The following SLC12A1 variants were observed in gnomAD, a reference collection of about 807,000 sequenced individuals.
The protein encoded by SLC12A1 is Na-K-2Cl cotransporter.
A neutral mutation model predicts 130.4 loss-of-function variants in SLC12A1; 89 were observed. The ratio of observed to expected loss-of-function variants is 0.68; its 90% confidence interval spans 0.58 to 0.81. The LOEUF (loss-of-function observed/expected upper bound fraction) is 0.81. Among genes scored for constraint, SLC12A1 ranks in the 40% least tolerant of loss-of-function variants. The probability of loss-of-function intolerance (pLI) is 0.00; values close to 1 mark genes in which losing one functional copy is unlikely to be tolerated. For synonymous variants in SLC12A1, 499 were observed against 460.0 expected, an observed-to-expected ratio of 1.08 and a Z score of -1.09; for missense variants, 1,310 against 1,336.4, an observed-to-expected ratio of 0.98 and a Z score of 0.31.
At chr15:48,215,319 A>T (rs979614663) in intron 2 of SLC12A1, among the ~76,000 whole-genome samples, 1 of 152,212 alleles carries the variant, frequency 6.6e-6, no homozygotes, top group Non-Finnish European at 1.5e-5. Context: ...ATCTGTTATC[A>T]AGTGGTCTTC....
rs367544096 is a variant in SLC12A1, at chr15:48,235,236, G to A, written c.1215+232G>A. On this transcript the variant is annotated intron_variant, in intron 9 of 26. Transcript: ENST00000380993. ...AGTGATATCAGAAGAACAGGGTAGT[G>A]TGATAGTGTGTCATATTTCCCCAAA... 6.9e-4 allele frequency: 370 copies of A among 534,532 alleles called. 2 individuals are homozygous for A. The highest frequency in any genetic ancestry group is 5.1e-3 in the Middle Eastern group (10 of 1,978). 33.1% of individuals were successfully genotyped at this position (534,532 alleles called of 1,614,324 possible). A position where few individuals can be genotyped will look rare whatever the true frequency, so the allele number is the denominator to read the frequency against.
At chr15:48,273,379 C>G (rs1414124738) in intron 19 of SLC12A1, among the ~76,000 whole-genome samples, 1 of 152,198 alleles carries the variant, frequency 6.6e-6, no homozygotes, top group Non-Finnish European at 1.5e-5. Flanking sequence ...CTTGTGATTA[C>G]TCTTGTCCCA....
intron 10 of SLC12A1, among the ~76,000 whole-genome samples, chr15:48,241,941 G>A (rs745601496): frequency 3.9e-5 from 6 of 152,154 alleles, no homozygotes; most frequent in Non-Finnish European, 8.8e-5. Context: ...GGAGGCAGGA[G>A]AGAAACAGAG....
intron 20 of SLC12A1, among the ~76,000 whole-genome samples, chr15:48,277,959 A>G (rs1384284169): frequency 1.3e-5 from 2 of 152,234 alleles, no homozygotes; most frequent in African/African-American, 2.4e-5. Flanking sequence ...AGTGCATCCT[A>G]TGCAAAATTG....
chr15:48,229,038 A>T, intron 5 of SLC12A1, 151 bp from the exon 6 acceptor site: 1 of 767,518 alleles, frequency 1.3e-6, no homozygotes, highest in African/African-American at 1.8e-5. Context: ...TAAGTTATTC[A>T]CTGGGTAACA....
At chr15:48,252,605 G>A (rs1353812868) in intron 15 of SLC12A1, among the ~76,000 whole-genome samples, 2 of 152,090 alleles carry the variant, frequency 1.3e-5, no homozygotes, top group Non-Finnish European at 2.9e-5. Context: ...AATTATCCAG[G>A]AAAACTTTTT....
chr15:48,274,948 A>G (rs2041935544), intron 20 of SLC12A1, among the ~76,000 whole-genome samples: 1 of 152,238 alleles, frequency 6.6e-6, no homozygotes. Context: ...TCGGTAAAAT[A>G]ACCTGCCAAA....
At chr15:48,230,564 G>C in intron 7 of SLC12A1, 61 bp downstream of exon 7, 1 of 999,390 alleles carries the variant, frequency 1.0e-6, no homozygotes, top group Non-Finnish European at 1.6e-6. Flanking sequence ...CAAATTGCAG[G>C]AGTAGAGGGA....
chr15:48,234,734 C>T (rs548583520), intron 8 of SLC12A1, 143 bp from the exon 9 acceptor site: 2 of 692,072 alleles, frequency 2.9e-6, no homozygotes, highest in Non-Finnish European at 4.7e-6. Context: ...GCCTGGGCAA[C>T]AGAGTGAGAC....
At chr15:48,245,826 T>G (rs138496514) in intron 11 of SLC12A1, among the ~76,000 whole-genome samples, 4 of 152,310 alleles carry the variant, frequency 2.6e-5, no homozygotes, top group African/African-American at 9.6e-5. Flanking sequence ...CTGTTTTAAG[T>G]TCGTTGAGAA....
At chr15:48,235,954 T>TGG (rs2041434868) in intron 9 of SLC12A1, among the ~76,000 whole-genome samples, 1 of 152,164 alleles carries the variant, frequency 6.6e-6, no homozygotes, top group Non-Finnish European at 1.5e-5. Flanking sequence ...TTTAGCCTTG[T>TGG]GGCCTTACCT....
chr15:48,285,000 T>A, intron 20 of SLC12A1, 106 bp from the exon 21 acceptor site: 1 of 768,570 alleles, frequency 1.3e-6, no homozygotes, highest in Non-Finnish European at 1.9e-6. Context: ...GTATAAACAA[T>A]TATTTTATCA....
intron 24 of SLC12A1, among the ~76,000 whole-genome samples, chr15:48,294,024 G>C (rs1288213450): frequency 6.7e-6 from 1 of 150,166 alleles, no homozygotes; most frequent in East Asian, 2.0e-4. Context: ...GGGTGACAGA[G>C]TGAGACCCTA....
intron 24 of SLC12A1, among the ~76,000 whole-genome samples, chr15:48,292,567 G>A (rs1284213344): frequency 6.6e-6 from 1 of 152,190 alleles, no homozygotes; most frequent in African/African-American, 2.4e-5. Context: ...GATGGACTGG[G>A]TGGATTAAAC....
At chr15:48,215,030 G>A (rs1003947424) in intron 2 of SLC12A1, among the ~76,000 whole-genome samples, 6 of 151,528 alleles carry the variant, frequency 4.0e-5, no homozygotes, top group Non-Finnish European at 7.4e-5. Context: ...ATATTATCTA[G>A]TTGGAACTTA....
At chr15:48,280,728 G>A (rs897495886) in intron 20 of SLC12A1, among the ~76,000 whole-genome samples, 6 of 151,890 alleles carry the variant, frequency 4.0e-5, no homozygotes, top group African/African-American at 1.5e-4. Context: ...CCATTTCCCA[G>A]GCTCTTATCT....
At chr15:48,245,008 A>T (rs977298649) in intron 11 of SLC12A1, 104 bp downstream of exon 11, 13 of 1,055,156 alleles carry the variant, frequency 1.2e-5, no homozygotes, top group Middle Eastern at 2.2e-4. Context: ...ATTGGCTGAT[A>T]AGAATCCAGC....
chr15:48,301,620 G>A (rs2042234813), intron 26 of SLC12A1, among the ~76,000 whole-genome samples: 1 of 151,876 alleles, frequency 6.6e-6, no homozygotes, highest in Non-Finnish European at 1.5e-5. Context: ...TGTCCACCAT[G>A]CCTTATGAAG....
chr15:48,248,025 T>G (rs34346894), intron 13 of SLC12A1, among the ~76,000 whole-genome samples: 2 of 152,356 alleles, frequency 1.3e-5, no homozygotes, highest in African/African-American at 2.4e-5. Flanking sequence ...CCAGGTGATA[T>G]GGAAACAGCT....
Sources: allele counts gnomAD v4.1 joint callset (sites outside exome capture counted in the v4.1 genomes callset), GRCh38; gene constraint gnomAD v4.1.1; transcripts MANE v1.5; gene names NCBI Gene and HGNC (gene_info 2026-07-23, HGNC 2026-07-21).